KIAA0825: variants seen among roughly 807,000 people sequenced by gnomAD.
KIAA0825 encodes uncharacterized protein KIAA0825.
In KIAA0825, 119 loss-of-function variants were observed where a neutral mutation model predicts 147.6. The ratio of observed to expected loss-of-function variants is 0.81; its 90% CI spans 0.69 to 0.94. The LOEUF is 0.94. KIAA0825 is among the 40% of genes least tolerant of loss of function. The pLI is 0.00. For missense variants in KIAA0825, 1,381 were observed against 1,472.7 expected (o/e 0.94, Z 1.02); for synonymous variants, 470 against 518.1 (o/e 0.91, Z 1.26).
At chr5:94,181,206 T>C (rs561599893) in intron 20 of KIAA0825, among the ~76,000 whole-genome samples, 4 of 152,324 alleles carry the variant, frequency 2.6e-5, no homozygotes, top group Non-Finnish European at 4.4e-5. Flanking sequence ...AGGAAGAGCA[T>C]TTGCATTGTG....
chr5:94,261,100 G>C (rs981675682), intron 20 of KIAA0825, among the ~76,000 whole-genome samples: 1 of 151,474 alleles, frequency 6.6e-6, no homozygotes, highest in African/African-American at 2.4e-5. Flanking sequence ...CCAGGAGTTC[G>C]AGACCAGACT....
intron 20 of KIAA0825, among the ~76,000 whole-genome samples, chr5:94,244,404 C>T (rs887926216): frequency 3.3e-5 from 5 of 152,170 alleles, no homozygotes; most frequent in Non-Finnish European, 5.9e-5. Context: ...ATGATCATAG[C>T]TCACTGTAGC....
chr5:94,574,273 G>A (rs2152335193), intron 2 of KIAA0825, among the ~76,000 whole-genome samples: 1 of 152,248 alleles, frequency 6.6e-6, no homozygotes, highest in South Asian at 2.1e-4. Context: ...GGCCGGGCGT[G>A]GTGGCTCATG....
At chr5:94,199,153 C>T (rs3940842) in intron 20 of KIAA0825, among the ~76,000 whole-genome samples, 1 of 152,138 alleles carries the variant, frequency 6.6e-6, no homozygotes, top group Non-Finnish European at 1.5e-5. Flanking sequence ...TGTGTTGGTT[C>T]TTTCTCATCT....
In KIAA0825 at chr5:94,386,424, C is replaced by A; in HGVS notation, c.3457-20G>T. The A allele has an allele frequency of 6.5e-7, 1 of 1,535,198 alleles. No homozygotes were observed. The highest frequency in any genetic ancestry group is 1.2e-5 in the South Asian group (1 of 82,452). On this transcript the variant is annotated intron_variant, in intron 18 of 20. Transcript: ENST00000682413. Reference sequence around the variant, plus strand: ...ATATTCCTTCAAAGAAAAGAAATTACAAGTTGTGACGGTGAGAAGCAGACA... The same window carrying A: ...ATATTCCTTCAAAGAAAAGAAATTAAAAGTTGTGACGGTGAGAAGCAGACA...
At chr5:94,385,276 T>A (rs1221854796) in intron 19 of KIAA0825, among the ~76,000 whole-genome samples, 2 of 152,160 alleles carry the variant, frequency 1.3e-5, no homozygotes, top group East Asian at 3.9e-4. Context: ...ACGTTTAAAA[T>A]CCAACAAGAG....
chr5:94,197,844 A>G (rs1771280663), intron 20 of KIAA0825, among the ~76,000 whole-genome samples: 1 of 152,192 alleles, frequency 6.6e-6, no homozygotes, highest in South Asian at 2.1e-4. Flanking sequence ...CTGTCTTTGT[A>G]TCAGTACCAT....
chr5:94,204,949 A>G (rs1274294447), intron 20 of KIAA0825, among the ~76,000 whole-genome samples: 1 of 152,134 alleles, frequency 6.6e-6, no homozygotes, highest in Non-Finnish European at 1.5e-5. Context: ...ATCAAAGAAA[A>G]AAATGAAGTG....
intron 8 of KIAA0825, among the ~76,000 whole-genome samples, chr5:94,472,451 G>C (rs1366137745): frequency 6.6e-6 from 1 of 152,110 alleles, no homozygotes; most frequent in African/African-American, 2.4e-5. Context: ...ATTCTTTTAA[G>C]AATATCCCAA....
intron 18 of KIAA0825, among the ~76,000 whole-genome samples, chr5:94,389,396 T>C (rs548877951): frequency 6.6e-6 from 1 of 152,328 alleles, no homozygotes; most frequent in East Asian, 1.9e-4. Flanking sequence ...CTTCAGCCTC[T>C]TGAACCTGGT....
At chr5:94,172,036 G>A (rs552180383) in intron 20 of KIAA0825, among the ~76,000 whole-genome samples, 18 of 152,140 alleles carry the variant, frequency 1.2e-4, no homozygotes, top group Non-Finnish European at 1.5e-4. Flanking sequence ...ATTCTCAGAC[G>A]TTGGGGAAAT....
chr5:94,387,969 G>A (rs1749388742), intron 18 of KIAA0825, among the ~76,000 whole-genome samples: 1 of 152,162 alleles, frequency 6.6e-6, no homozygotes, highest in Admixed American at 6.5e-5. Context: ...AACCACTGCT[G>A]AAGTTAACAA....
intron 20 of KIAA0825, among the ~76,000 whole-genome samples, chr5:94,209,382 T>A (rs184586557): frequency 2.0e-5 from 3 of 152,266 alleles, no homozygotes; most frequent in African/African-American, 7.2e-5. Flanking sequence ...AGTCTAAAAA[T>A]TCTGTAGTTT....
intron 1 of KIAA0825, among the ~76,000 whole-genome samples, chr5:94,599,648 A>C (rs1001096853): frequency 3.3e-5 from 5 of 152,172 alleles, no homozygotes; most frequent in African/African-American, 4.8e-5. Flanking sequence ...AAAAGAAAAA[A>C]ATTGATAAAT....
At chr5:94,309,581 G>T (rs774954525) in intron 20 of KIAA0825, among the ~76,000 whole-genome samples, 36 of 151,828 alleles carry the variant, frequency 2.4e-4, no homozygotes, top group Non-Finnish European at 4.6e-4. Flanking sequence ...GTTTGGGAAA[G>T]CCTCTACGGA....
chr5:94,313,495 T>C (rs1261388408), intron 20 of KIAA0825, among the ~76,000 whole-genome samples: 5 of 151,698 alleles, frequency 3.3e-5, no homozygotes, highest in Non-Finnish European at 7.4e-5. Flanking sequence ...CCTTTTGTAA[T>C]TTTATACAAA....
At chr5:94,374,078 AATAGTC>A (rs1412917349) in intron 20 of KIAA0825, among the ~76,000 whole-genome samples, 3 of 152,220 alleles carry the variant, frequency 2.0e-5, no homozygotes, top group Non-Finnish European at 2.9e-5. Context: ...GTGACAGGGG[AATAGTC>A]ATTGAAAAAA....
chr5:94,391,806 A>G (rs1367600892), intron 17 of KIAA0825, 112 bp from the exon 18 acceptor site: 2 of 923,538 alleles, frequency 2.2e-6, no homozygotes, highest in African/African-American at 3.4e-5. Flanking sequence ...CAAAGCATCC[A>G]TAAAGACTAC....
chr5:94,428,143 T>TG (rs1554278268), intron 14 of KIAA0825, among the ~76,000 whole-genome samples: 24 of 134,584 alleles, frequency 1.8e-4, no homozygotes, highest in South Asian at 1.0e-3. Context: ...TAAGGTCTTG[T>TG]TGTGTGTGTG....
Sources: gnomAD v4.1 joint callset for allele counts (sites outside exome capture counted in the v4.1 genomes callset) on GRCh38, gnomAD v4.1.1 for gene constraint, MANE v1.5 for transcripts, NCBI Gene and HGNC (gene_info 2026-07-23, HGNC 2026-07-21) for gene names.